TCF7L2: variants seen among roughly 807,000 people sequenced by gnomAD.
TCF7L2 encodes transcription factor 7 like 2.
A neutral mutation model predicts 77.9 loss-of-function variants in TCF7L2; 23 were observed. The ratio of observed to expected loss-of-function variants is 0.30; its 90% CI spans 0.21 to 0.42. The LOEUF (loss-of-function observed/expected upper bound fraction) is 0.42. Ranked by LOEUF, TCF7L2 falls within the 10% of genes least tolerant of loss-of-function variation. The pLI is 1.00. For missense variants in TCF7L2, 654 were observed against 793.1 expected (o/e 0.82, Z 2.11); for synonymous variants, 413 against 340.2 (o/e 1.21, Z -2.36).
chr10:113,145,365 A>G (rs1457832198), intron 7 of TCF7L2, among the ~76,000 whole-genome samples: 1 of 152,194 alleles, frequency 6.6e-6, no homozygotes, highest in African/African-American at 2.4e-5. Flanking sequence ...CAACTCAGAC[A>G]ACCCTCTGTC....
chr10:113,134,955 T>C (rs2067181883), intron 5 of TCF7L2, among the ~76,000 whole-genome samples: 1 of 152,228 alleles, frequency 6.6e-6, no homozygotes, highest in South Asian at 2.1e-4. Flanking sequence ...TAGGGGCGTA[T>C]TGAAGAGGAG....
intron 5 of TCF7L2, among the ~76,000 whole-genome samples, chr10:113,119,681 T>A (rs374935463): frequency 0.18 from 27,529 of 148,944 alleles, 2,905 homozygotes; most frequent in Middle Eastern, 0.33. Flanking sequence ...TTTTTTTTTT[T>A]AAAAAAACTT....
chr10:112,971,618 C>CT (rs1254113400), intron 4 of TCF7L2, among the ~76,000 whole-genome samples: 114 of 133,138 alleles, frequency 8.6e-4, no homozygotes, highest in South Asian at 4.2e-3. Flanking sequence ...ACAGGAGTTA[C>CT]TTTTTTTTTT....
At chr10:113,128,348 G>A (rs2066001528) in intron 5 of TCF7L2, among the ~76,000 whole-genome samples, 2 of 152,110 alleles carry the variant, frequency 1.3e-5, no homozygotes, top group Admixed American at 1.3e-4. Context: ...CCCAGCCCTT[G>A]TTTTTGTTGA....
intron 4 of TCF7L2, among the ~76,000 whole-genome samples, chr10:113,035,925 G>C (rs2051114675): frequency 6.6e-6 from 1 of 152,164 alleles, no homozygotes; most frequent in Admixed American, 6.5e-5. Context: ...GATATTTGCT[G>C]TCTGGCACTT....
chr10:112,971,723 C>G (rs1411807745), intron 4 of TCF7L2, among the ~76,000 whole-genome samples: 1 of 151,666 alleles, frequency 6.6e-6, no homozygotes, highest in East Asian at 1.9e-4. Context: ...AGCAATTCTC[C>G]CGCCTCAGCC....
chr10:113,143,285 G>A (rs750061234), intron 6 of TCF7L2, among the ~76,000 whole-genome samples: 1 of 152,216 alleles, frequency 6.6e-6, no homozygotes, highest in South Asian at 2.1e-4. Flanking sequence ...GTCCTCTAGC[G>A]GATGAAGTTC....
At chr10:113,102,840 A>G (rs1033392968) in intron 5 of TCF7L2, among the ~76,000 whole-genome samples, 1 of 152,162 alleles carries the variant, frequency 6.6e-6, no homozygotes, top group African/African-American at 2.4e-5. Context: ...AAAATCCACT[A>G]TCCTTCTGGC....
At chr10:113,089,326 G>T in intron 5 of TCF7L2, 1 of 1,517,242 alleles carries the variant, frequency 6.6e-7, no homozygotes, top group Non-Finnish European at 8.9e-7. Flanking sequence ...GAAGGCTGGG[G>T]GCTGTGTGTG....
At chr10:113,002,626 A>C (rs1310763623) in intron 4 of TCF7L2, among the ~76,000 whole-genome samples, 2 of 152,118 alleles carry the variant, frequency 1.3e-5, no homozygotes, top group East Asian at 3.9e-4. Context: ...ATGCTTATCT[A>C]TGCCCCAGTC....
chr10:113,147,403 A>G (rs750246616), intron 8 of TCF7L2, among the ~76,000 whole-genome samples: 1 of 152,348 alleles, frequency 6.6e-6, no homozygotes, highest in Non-Finnish European at 1.5e-5. Context: ...AAACCGTGGC[A>G]TATCTAGCAT....
chr10:113,154,858 A>G (rs954361599), intron 11 of TCF7L2, among the ~76,000 whole-genome samples: 4 of 152,176 alleles, frequency 2.6e-5, no homozygotes, highest in Non-Finnish European at 5.9e-5. Context: ...ATGGCTCATT[A>G]CACATGGGTG....
chr10:113,078,034 C>A (rs1591408104), intron 5 of TCF7L2, among the ~76,000 whole-genome samples: 1 of 151,836 alleles, frequency 6.6e-6, no homozygotes, highest in African/African-American at 2.4e-5. Context: ...CTGTGCCTGG[C>A]CAGGACTTTA....
chr10:113,136,806 A>G (rs1264995205), intron 5 of TCF7L2, among the ~76,000 whole-genome samples: 1 of 152,180 alleles, frequency 6.6e-6, no homozygotes, highest in African/African-American at 2.4e-5. Flanking sequence ...CTATGTTGCA[A>G]CCAAGTTACT....
At chr10:113,120,583 T>C (rs4918796) in intron 5 of TCF7L2, among the ~76,000 whole-genome samples, 27,771 of 152,146 alleles carry the variant, frequency 0.18, 2,958 homozygotes, top group Middle Eastern at 0.33. Context: ...TCTTGGGTAC[T>C]GAGAAAATCA....
At chr10:112,987,606 A>G (rs1460013744) in intron 4 of TCF7L2, 1 of 152,138 alleles carries the variant, frequency 6.6e-6, no homozygotes, top group Admixed American at 6.5e-5. Flanking sequence ...ATGATGAAGC[A>G]TGGGTGCATT....
chr10:113,098,830 G>A (rs1467329964), intron 5 of TCF7L2, among the ~76,000 whole-genome samples: 1 of 152,206 alleles, frequency 6.6e-6, no homozygotes, highest in African/African-American at 2.4e-5. Flanking sequence ...GTAGGACACA[G>A]AACAGCTCCA....
intron 4 of TCF7L2, among the ~76,000 whole-genome samples, chr10:113,035,968 A>T (rs922790541): frequency 1.3e-5 from 2 of 152,154 alleles, no homozygotes; most frequent in African/African-American, 4.8e-5. Context: ...TGCCCTGAAC[A>T]AATAAAGGGA....
At chr10:112,977,673 GA>G (rs2039674496) in intron 4 of TCF7L2, among the ~76,000 whole-genome samples, 1 of 152,274 alleles carries the variant, frequency 6.6e-6, no homozygotes, top group Non-Finnish European at 1.5e-5. Context: ...ATGTTAAGCA[GA>G]GCTGTGTTTA....
Sources: gnomAD v4.1 joint callset for allele counts (sites outside exome capture counted in the v4.1 genomes callset) on GRCh38, gnomAD v4.1.1 for gene constraint, MANE v1.5 for transcripts, NCBI Gene and HGNC (gene_info 2026-07-23, HGNC 2026-07-21) for gene names.